GNG12: variants seen among roughly 807,000 people sequenced by gnomAD.
GNG12 encodes guanine nucleotide-binding protein G(I)/G(S)/G(O) subunit gamma-12.
For synonymous variants in GNG12, 28 were observed against 29.7 expected (o/e 0.94, Z 0.19); for missense variants, 69 against 83.8 (o/e 0.82, Z 0.69).
At chr1:67,739,808 C>T (rs1271530525) in intron 2 of GNG12, among the ~76,000 whole-genome samples, 1 of 152,144 alleles carries the variant, frequency 6.6e-6, no homozygotes, top group East Asian at 1.9e-4. Context: ...TTAATTTAAA[C>T]CTAACCCAGC....
At chr1:67,821,071 A>G (rs1024466261) in intron 1 of GNG12, among the ~76,000 whole-genome samples, 2 of 152,282 alleles carry the variant, frequency 1.3e-5, no homozygotes, top group Admixed American at 6.5e-5. Flanking sequence ...AATTCTAAGA[A>G]GCATATTTTG....
chr1:67,812,315 C>T lies in GNG12; in HGVS notation c.-77+21029G>A, dbSNP rs116524535. ...TAAAGGTTGCAAATGGAGCTCATCT[C>T]ATTGATTTTCTACTTTGAGCCTCTC... On this transcript the variant is annotated intron_variant, in intron 1 of 3. Coordinates refer to ENST00000370982, the MANE Select transcript of GNG12 (RefSeq NM_018841.6). Among the ~76,000 whole-genome samples, 430 of 152,280 alleles carry T rather than the reference C, an allele frequency of 2.8e-3. 3 individuals carry two copies. The Middle Eastern group carries it at 0.041, about 14-fold the overall frequency.
intron 2 of GNG12, among the ~76,000 whole-genome samples, chr1:67,716,014 G>C (rs572499544): frequency 1.3e-5 from 2 of 152,312 alleles, no homozygotes; most frequent in South Asian, 4.1e-4. Context: ...GCGGTCAGCT[G>C]CAAGTGCTGC....
intron 2 of GNG12, among the ~76,000 whole-genome samples, chr1:67,737,244 G>C (rs1417667193): frequency 2.0e-5 from 3 of 152,214 alleles, no homozygotes; most frequent in Non-Finnish European, 4.4e-5. Flanking sequence ...GTGCTTAGGG[G>C]ATTATAAATG....
chr1:67,784,799 TCA>T (rs1308115273), intron 1 of GNG12, among the ~76,000 whole-genome samples: 1 of 120,716 alleles, frequency 8.3e-6, no homozygotes, highest in East Asian at 2.5e-4. Flanking sequence ...AAATAATGTG[TCA>T]CAGCTATATT....
intron 2 of GNG12, among the ~76,000 whole-genome samples, chr1:67,709,989 TA>T (rs1646278006): frequency 3.2e-5 from 1 of 31,268 alleles, no homozygotes; most frequent in African/African-American, 1.3e-4. Flanking sequence ...TATATATAGT[TA>T]TATATATAGT....
chr1:67,725,817 G>C (rs970664448), intron 2 of GNG12, among the ~76,000 whole-genome samples: 1 of 152,182 alleles, frequency 6.6e-6, no homozygotes, highest in African/African-American at 2.4e-5. Flanking sequence ...ATCTTAAGGA[G>C]TGACATAAAA....
chr1:67,775,735 A>G (rs551892745), intron 2 of GNG12, among the ~76,000 whole-genome samples: 29 of 152,324 alleles, frequency 1.9e-4, no homozygotes, highest in African/African-American at 7.0e-4. Context: ...AAAAAGAGTG[A>G]GCCAAAGAAG....
Position 67,751,180 on chromosome 1 carries a change from T to G in GNG12, c.-27+26278A>C, listed in dbSNP as rs968975329. ...GACTGCCCATTTACATGGATACACA[T>G]ACAGACACACACACACACACACACA... On this transcript the variant is annotated intron_variant, in intron 2 of 3. Transcript: ENST00000370982. Among the ~76,000 whole-genome samples the G allele has an allele frequency of 2.2e-3, 262 of 120,366 alleles. 3 individuals carry two copies. Among genetic ancestry groups the G allele is most frequent in the African/African-American group, 0.01 (256 of 25,474 alleles). 79.0% of individuals were successfully genotyped at this position (120,366 alleles called of 152,430 possible). A position where few individuals can be genotyped will look rare whatever the true frequency, so the allele number is the denominator to read the frequency against.
In GNG12 at chr1:67,701,647, C is replaced by A. The variant is rs989306432; in HGVS notation, c.*3804G>T. The A allele has an allele frequency of 6.6e-6, 1 of 152,538 alleles. No individual in the cohort carries two copies. Among genetic ancestry groups the A allele is most frequent in the Non-Finnish European group, 1.5e-5 (1 of 68,016 alleles). The allele number at this position is 152,538 out of a possible 1,614,324, so 9.4% of individuals were successfully genotyped here. On this transcript the variant is annotated 3_prime_UTR_variant, in exon 4 of 4. Coordinates refer to ENST00000370982, the MANE Select transcript of GNG12 (RefSeq NM_018841.6). ...ATAGGACATATTTCCAAATAATGATCACAGTATTATGGTTAATAAGATGCT... is the reference window on the plus strand; with the variant it reads ...ATAGGACATATTTCCAAATAATGATAACAGTATTATGGTTAATAAGATGCT...
chr1:67,787,942 G>A (rs1180138971), intron 1 of GNG12, among the ~76,000 whole-genome samples: 4 of 152,210 alleles, frequency 2.6e-5, no homozygotes, highest in African/African-American at 9.6e-5. Context: ...TCAGTGCCAT[G>A]CAAGCCAAGA....
rs113218214 is a variant in GNG12, at chr1:67,734,886, C to T, written c.-26-27174G>A. On this transcript the variant is annotated intron_variant, in intron 2 of 3. Transcript: ENST00000370982. ...TTTTCTTTTTTGAGACAGCGTCTCA[C>T]TCTGTCACCCAGGTTGTAGTGCAAT... is the stretch of plus-strand genomic sequence containing the variant. 4.9e-3 allele frequency among the ~76,000 whole-genome samples: 744 copies of T among 152,296 alleles called. 5 individuals are homozygous for T. Among genetic ancestry groups the T allele is most frequent in the African/African-American group, 0.017 (686 of 41,550 alleles).
At chr1:67,744,894 G>GA (rs1352481909) in intron 2 of GNG12, among the ~76,000 whole-genome samples, 2 of 152,174 alleles carry the variant, frequency 1.3e-5, no homozygotes, top group African/African-American at 4.8e-5. Flanking sequence ...ACAACCAAGA[G>GA]TAGTGGCTAA....
At chr1:67,785,555 C>T (rs1053293587) in intron 1 of GNG12, among the ~76,000 whole-genome samples, 42 of 152,230 alleles carry the variant, frequency 2.8e-4, no homozygotes, top group African/African-American at 9.9e-4. Flanking sequence ...TCCTAAATCA[C>T]CTGGCATCTT....
In GNG12 at chr1:67,786,979, GTGTGTGTA is replaced by G. The variant is rs1216965952; in HGVS notation, c.-76-9480_-76-9473del. ...TGTGTGTGTGTGTGTGTGTGTGTGT[GTGTGTGTA>G]TGTATATATATGTGTATATCTGTGT... is the stretch of plus-strand genomic sequence containing the variant. On this transcript the variant is annotated intron_variant, in intron 1 of 3. Transcript: ENST00000370982. Among the ~76,000 whole-genome samples the G allele has an allele frequency of 9.8e-5, 10 of 101,764 alleles. No individual in the cohort carries two copies. In the South Asian group the frequency reaches 2.8e-3, roughly 28 times the overall value. The allele number at this position is 101,764 out of a possible 152,430, so 66.8% of individuals were successfully genotyped here.
rs1206920304 is a variant in GNG12, at chr1:67,702,420, C to A, written c.*3031G>T. 1 of 152,064 alleles carries A rather than the reference C, an allele frequency of 6.6e-6. No individual in the cohort carries two copies. The highest frequency in any genetic ancestry group is 1.5e-5 in the Non-Finnish European group (1 of 68,000). 9.4% of individuals were successfully genotyped at this position (152,064 alleles called of 1,614,324 possible). ...GCACATCCTCCACTACGTAAGCTAC[C>A]CTATGCCTCAAAATTACTAAATCAT... On this transcript the variant is annotated 3_prime_UTR_variant, in exon 4 of 4. Coordinates refer to ENST00000370982, the MANE Select transcript of GNG12 (RefSeq NM_018841.6).
intron 2 of GNG12, among the ~76,000 whole-genome samples, chr1:67,763,955 T>C (rs547568865): frequency 3.3e-5 from 5 of 152,370 alleles, no homozygotes; most frequent in Non-Finnish European, 5.9e-5. Flanking sequence ...CATGCTAGTA[T>C]TGCACTGCTG....
chr1:67,757,057 T>C (rs1442927862), intron 2 of GNG12, among the ~76,000 whole-genome samples: 1 of 152,228 alleles, frequency 6.6e-6, no homozygotes, highest in Non-Finnish European at 1.5e-5. Context: ...CAGAAATGTT[T>C]TAAATTTTTG....
intron 1 of GNG12, among the ~76,000 whole-genome samples, chr1:67,829,911 G>A (rs746101479): frequency 6.6e-6 from 1 of 151,900 alleles, no homozygotes; most frequent in African/African-American, 2.4e-5. Context: ...TGTGGCATGA[G>A]CTAAGATCCT....
Sources: allele counts gnomAD v4.1 joint callset (sites outside exome capture counted in the v4.1 genomes callset), GRCh38; gene constraint gnomAD v4.1.1; transcripts MANE v1.5; gene names NCBI Gene and HGNC (gene_info 2026-07-23, HGNC 2026-07-21).